The following DNAJC15 variants were observed in gnomAD, a reference collection of about 807,000 sequenced individuals.
The protein encoded by DNAJC15 is DnaJ heat shock protein family (Hsp40) member C15.
In DNAJC15, 27 loss-of-function variants were observed where a neutral mutation model predicts 22.4. The observed-to-expected ratio is 1.20, with a 90% CI of 0.89 to 1.66. The LOEUF (loss-of-function observed/expected upper bound fraction) is 1.66. Among genes scored for constraint, DNAJC15 ranks in the 40% most tolerant of loss-of-function variants. The pLI is 0.00. For missense variants in DNAJC15, 208 were observed against 187.1 expected, an observed-to-expected ratio of 1.11 and a Z score of -0.65; for synonymous variants, 79 against 63.2, an observed-to-expected ratio of 1.25 and a Z score of -1.19.
intron 3 of DNAJC15, among the ~76,000 whole-genome samples, chr13:43,069,852 A>G (rs1390115376): frequency 6.6e-6 from 1 of 152,214 alleles, no homozygotes; most frequent in African/African-American, 2.4e-5. Flanking sequence ...AAAGTAAGTT[A>G]TGTCAAAGTT....
At chr13:43,044,257 TGA>T (rs749633658) in intron 1 of DNAJC15, among the ~76,000 whole-genome samples, 25 of 152,222 alleles carry the variant, frequency 1.6e-4, no homozygotes, top group Non-Finnish European at 3.1e-4. Context: ...GATTAACCCT[TGA>T]GAATTAACTC....
At chr13:43,085,477 T>C (rs567702886) in intron 4 of DNAJC15, among the ~76,000 whole-genome samples, 1 of 152,160 alleles carries the variant, frequency 6.6e-6, no homozygotes, top group Non-Finnish European at 1.5e-5. Flanking sequence ...TTTTCAAACT[T>C]ACAGTATTGT....
At chr13:43,100,178 T>G (rs894169944) in intron 5 of DNAJC15, among the ~76,000 whole-genome samples, 1 of 151,728 alleles carries the variant, frequency 6.6e-6, no homozygotes, top group Non-Finnish European at 1.5e-5. Flanking sequence ...TTCCATTGTC[T>G]TAGGTTGAAG....
chr13:43,046,395 G>A (rs1320459056), intron 1 of DNAJC15, among the ~76,000 whole-genome samples: 1 of 152,090 alleles, frequency 6.6e-6, no homozygotes, highest in East Asian at 1.9e-4. Context: ...CATCTCGGTG[G>A]TGGTGAGAGA....
At chr13:43,051,595 C>T (rs1269541240) in intron 1 of DNAJC15, among the ~76,000 whole-genome samples, 1 of 151,816 alleles carries the variant, frequency 6.6e-6, no homozygotes, top group African/African-American at 2.4e-5. Flanking sequence ...GCTGCAAATG[C>T]CGTTATTTGT....
intron 5 of DNAJC15, among the ~76,000 whole-genome samples, chr13:43,091,210 G>A (rs1227434547): frequency 7.2e-5 from 11 of 151,872 alleles, no homozygotes; most frequent in Admixed American, 5.2e-4. Context: ...TCAGCCTCCC[G>A]AGTAGCTGGG....
chr13:43,078,763 G>A lies in DNAJC15; in HGVS notation c.311+75G>A, dbSNP rs546395314. On this transcript the variant is annotated intron_variant, in intron 4 of 5. Coordinates refer to ENST00000379221, the MANE Select transcript of DNAJC15 (RefSeq NM_013238.3). ...TAAAAAAGAGAAAACGTTACAATAAGGTTATACTTAGACTTAAAATTATGA... is the reference window on the plus strand; with the variant it reads ...TAAAAAAGAGAAAACGTTACAATAAAGTTATACTTAGACTTAAAATTATGA... The A allele has an allele frequency of 3.2e-5, 42 of 1,327,294 alleles. No homozygotes were observed. The South Asian group carries it at 5.2e-4, about 16-fold the overall frequency. The allele number at this position is 1,327,294 out of a possible 1,614,324, so 82.2% of individuals were successfully genotyped here.
Position 43,111,523 on chromosome 13 carries a change from C to G in DNAJC15, c.*4275C>G, listed in dbSNP as rs1393538987. ...CTTTTATTGATAAGGTAATTGAACA[C>G]ACTTGACAATTAGCTTAATATGGTT... On this transcript the variant is annotated 3_prime_UTR_variant, in exon 6 of 6. Transcript: ENST00000379221. 6.6e-6 allele frequency: 1 copy of G among 152,182 alleles called. No homozygotes were observed. Among genetic ancestry groups the G allele is most frequent in the African/African-American group, 2.4e-5 (1 of 41,438 alleles). 9.4% of individuals were successfully genotyped at this position (152,182 alleles called of 1,614,324 possible).
intron 1 of DNAJC15, among the ~76,000 whole-genome samples, chr13:43,027,500 A>G (rs1017658773): frequency 2.0e-5 from 3 of 152,228 alleles, no homozygotes; most frequent in Admixed American, 6.5e-5. Context: ...CGTGAAAACT[A>G]AAACCTGTCA....
chr13:43,098,064 AAG>A (rs10569822), intron 5 of DNAJC15, among the ~76,000 whole-genome samples: 33,132 of 152,134 alleles, frequency 0.22, 3,741 homozygotes, highest in South Asian at 0.39. Context: ...GTTAGAGAAA[AAG>A]AAAATTTGCT....
At chr13:43,106,582 AT>A (rs1189248595) in intron 5 of DNAJC15, among the ~76,000 whole-genome samples, 2 of 151,992 alleles carry the variant, frequency 1.3e-5, no homozygotes, top group Non-Finnish European at 2.9e-5. Flanking sequence ...AACAAAAAAA[AT>A]TTTTTGACAT....
chr13:43,093,822 A>G (rs1197322405), intron 5 of DNAJC15, among the ~76,000 whole-genome samples: 1 of 152,158 alleles, frequency 6.6e-6, no homozygotes, highest in Non-Finnish European at 1.5e-5. Flanking sequence ...TATCTTTTCC[A>G]CAATAAAATT....
At chr13:43,044,403 CTCG>C (rs1269774868) in intron 1 of DNAJC15, among the ~76,000 whole-genome samples, 1 of 152,126 alleles carries the variant, frequency 6.6e-6, no homozygotes, top group East Asian at 1.9e-4. Context: ...CTTTATCATA[CTCG>C]TCACGGCATA....
At chr13:43,073,451 A>G (rs1339718073) in intron 3 of DNAJC15, among the ~76,000 whole-genome samples, 1 of 150,604 alleles carries the variant, frequency 6.6e-6, no homozygotes, top group Non-Finnish European at 1.5e-5. Flanking sequence ...GCGTATCAGA[A>G]AAAGAGGCAT....
chr13:43,059,767 AAG>A (rs949704963), intron 1 of DNAJC15, among the ~76,000 whole-genome samples: 4 of 152,230 alleles, frequency 2.6e-5, no homozygotes, highest in African/African-American at 4.8e-5. Context: ...TGAGTCCGAA[AAG>A]AGAGTCAGCA....
intron 1 of DNAJC15, among the ~76,000 whole-genome samples, chr13:43,059,795 T>G (rs1262640311): frequency 6.6e-6 from 1 of 152,174 alleles, no homozygotes; most frequent in Non-Finnish European, 1.5e-5. Flanking sequence ...TGGTGGATTA[T>G]CATTAGTTCT....
intron 1 of DNAJC15, among the ~76,000 whole-genome samples, chr13:43,054,230 T>C (rs2040519019): frequency 6.6e-6 from 1 of 152,206 alleles, no homozygotes; most frequent in African/African-American, 2.4e-5. Context: ...TTAAACTATC[T>C]CTGCATCCCT....
intron 5 of DNAJC15, among the ~76,000 whole-genome samples, chr13:43,102,729 T>A (rs2040775996): frequency 1.3e-5 from 2 of 152,158 alleles, no homozygotes; most frequent in Non-Finnish European, 2.9e-5. Flanking sequence ...GGTCATCATA[T>A]CTAGTCTGAT....
Position 43,109,868 on chromosome 13 carries a change from A to T in DNAJC15, c.*2620A>T, listed in dbSNP as rs1027025341. ...AGAACTTAAAGTATAATAAAAAGAA[A>T]TTTTAAAAAATCCTGTCAAATAAGG... On this transcript the variant is annotated 3_prime_UTR_variant, in exon 6 of 6. Transcript: ENST00000379221. 1 of 151,712 alleles carries T rather than the reference A, an allele frequency of 6.6e-6. No homozygotes were observed. Among genetic ancestry groups the T allele is most frequent in the Non-Finnish European group, 1.5e-5 (1 of 67,834 alleles). 9.4% of individuals were successfully genotyped at this position (151,712 alleles called of 1,614,324 possible). A position where few individuals can be genotyped will look rare whatever the true frequency, so the allele number is the denominator to read the frequency against.
Sources: allele counts gnomAD v4.1 joint callset (sites outside exome capture counted in the v4.1 genomes callset), GRCh38; gene constraint gnomAD v4.1.1; transcripts MANE v1.5; gene names NCBI Gene and HGNC (gene_info 2026-07-23, HGNC 2026-07-21).